The following PKNOX2 variants were observed in gnomAD, a reference collection of about 807,000 sequenced individuals.
PKNOX2 encodes PBX/knotted 1 homeobox 2, also known as homeobox protein PKNOX2.
Under a neutral mutation model 53.1 loss-of-function variants are expected in PKNOX2, and 14 were observed. The observed-to-expected ratio is 0.26, with a 90% CI of 0.17 to 0.41. The LOEUF (loss-of-function observed/expected upper bound fraction) is 0.41, where lower values mean the gene tolerates loss of function less well. PKNOX2 is among the 10% of genes least tolerant of loss of function. The pLI, the probability that PKNOX2 is intolerant of heterozygous loss-of-function variation, is 1.00. For synonymous variants in PKNOX2, 257 were observed against 242.8 expected (o/e 1.06, Z -0.54); for missense variants, 496 against 602.8 (o/e 0.82, Z 1.85).
chr11:125,392,033 A>G (rs1954079563), intron 6 of PKNOX2, among the ~76,000 whole-genome samples: 1 of 152,250 alleles, frequency 6.6e-6, no homozygotes, highest in African/African-American at 2.4e-5. Context: ...AAACACAAAT[A>G]TGGGAGCAAA....
At chr11:125,219,438 CA>C (rs57107061) in intron 1 of PKNOX2, among the ~76,000 whole-genome samples, 9,886 of 130,266 alleles carry the variant, frequency 0.076, 511 homozygotes, top group African/African-American at 0.16. Flanking sequence ...AACTCTATCT[CA>C]AAAAAAAAAA....
intron 3 of PKNOX2, among the ~76,000 whole-genome samples, chr11:125,332,286 C>T (rs567410109): frequency 1.3e-4 from 18 of 142,990 alleles, no homozygotes; most frequent in East Asian, 4.7e-4. Context: ...CTGGTGGTGG[C>T]GGGGTGGGGT....
rs149098576 is a variant in PKNOX2 at position 125,413,967 on chromosome 11, C to T, written c.936+2102C>T. ...CCTTCCCCTTCACTACTTTCCACTC[C>T]CCACTTGCAACTTACCCCTGGGAAT... On this transcript the variant is annotated intron_variant, in intron 10 of 12. Transcript: ENST00000298282. Among the ~76,000 whole-genome samples the T allele has an allele frequency of 4.6e-3, 695 of 152,280 alleles. 2 individuals carry two copies. The highest frequency in any genetic ancestry group is 0.012 in the South Asian group (56 of 4,826).
intron 6 of PKNOX2, among the ~76,000 whole-genome samples, chr11:125,387,857 A>G (rs766675858): frequency 1.2e-4 from 19 of 152,136 alleles, no homozygotes; most frequent in Non-Finnish European, 2.4e-4. Flanking sequence ...AAAGAGTGCT[A>G]TCTGAGCCTC....
chr11:125,220,445 G>C (rs1163978787), intron 1 of PKNOX2, among the ~76,000 whole-genome samples: 1 of 152,172 alleles, frequency 6.6e-6, no homozygotes, highest in East Asian at 1.9e-4. Context: ...GTCTTTTTTA[G>C]GCATGGAATC....
At chr11:125,351,506 G>T in intron 4 of PKNOX2, 114 bp downstream of exon 4, 1 of 685,234 alleles carries the variant, frequency 1.5e-6, no homozygotes, top group Non-Finnish European at 2.5e-6. Context: ...CAGGCCTCCC[G>T]CAATCACGTC....
rs934965353 is a variant in PKNOX2 at position 125,367,934 on chromosome 11, C to T, written c.176C>T (p.Ala59Val). ...GCTGCCAGCACACCTGTGCCCAGTG[C>T]CCCCATCGACCCCCAGGCCCAGCTG... The part of the protein sequence containing the change: ...SAAASTPVPS[A>V]PIDPQAQLEA... Residue 59 changes from alanine to valine, a missense_variant, in exon 5 of 13, where the codon GCC becomes GTC. By Grantham distance (64) the Ala-to-Val change is moderately conservative. Coordinates refer to ENST00000298282, the MANE Select transcript of PKNOX2 (RefSeq NM_001382323.2). 9 of 1,613,392 alleles carry T rather than the reference C, an allele frequency of 5.6e-6. No individual in the cohort carries two copies. The highest frequency in any genetic ancestry group is 6.8e-6 in the Non-Finnish European group (8 of 1,179,716).
At chr11:125,359,243 A>G (rs1289464740) in intron 4 of PKNOX2, among the ~76,000 whole-genome samples, 1 of 151,194 alleles carries the variant, frequency 6.6e-6, no homozygotes, top group Non-Finnish European at 1.5e-5. Context: ...CGGATCCGTG[A>G]GCAGCTTTCA....
At chr11:125,313,590 T>C (rs187236893) in intron 2 of PKNOX2, among the ~76,000 whole-genome samples, 413 of 152,272 alleles carry the variant, frequency 2.7e-3, no homozygotes, top group Non-Finnish European at 4.4e-3. Flanking sequence ...GACAGCATCC[T>C]GGAAAAGCAC....
chr11:125,391,597 G>A (rs1312350726), intron 6 of PKNOX2, among the ~76,000 whole-genome samples: 1 of 152,160 alleles, frequency 6.6e-6, no homozygotes, highest in East Asian at 1.9e-4. Context: ...AAATATCAAG[G>A]CAGAAAATAA....
chr11:125,246,587 T>C (rs1033196993), intron 2 of PKNOX2, among the ~76,000 whole-genome samples: 5 of 152,192 alleles, frequency 3.3e-5, no homozygotes, highest in African/African-American at 1.2e-4. Flanking sequence ...GGACATTAAA[T>C]TTGAGCTCAA....
intron 4 of PKNOX2, among the ~76,000 whole-genome samples, chr11:125,365,396 G>A (rs1016464323): frequency 5.3e-5 from 8 of 151,526 alleles, no homozygotes; most frequent in African/African-American, 1.9e-4. Flanking sequence ...TTGATATATT[G>A]AGCCAGCTGT....
intron 3 of PKNOX2, among the ~76,000 whole-genome samples, chr11:125,345,243 C>T (rs1370541161): frequency 6.6e-6 from 1 of 152,190 alleles, no homozygotes; most frequent in African/African-American, 2.4e-5. Flanking sequence ...CCTTAGTCCT[C>T]CCCTCCAGGA....
chr11:125,416,252 G>T (rs1442144467), intron 10 of PKNOX2, among the ~76,000 whole-genome samples: 1 of 133,086 alleles, frequency 7.5e-6, no homozygotes, highest in African/African-American at 2.9e-5. Context: ...GCAGTGAGCC[G>T]AGATCCCGCC....
chr11:125,318,687 C>T (rs1949349276), intron 2 of PKNOX2, among the ~76,000 whole-genome samples: 1 of 152,136 alleles, frequency 6.6e-6, no homozygotes, highest in Admixed American at 6.5e-5. Context: ...AAAGGCCTAA[C>T]TTTTGCCCTA....
chr11:125,294,801 T>C (rs1361242484), intron 2 of PKNOX2, among the ~76,000 whole-genome samples: 1 of 152,138 alleles, frequency 6.6e-6, no homozygotes, highest in Non-Finnish European at 1.5e-5. Context: ...GCAGATTACA[T>C]GAGATGAAAA....
intron 4 of PKNOX2, among the ~76,000 whole-genome samples, chr11:125,356,532 G>A (rs749089739): frequency 6.6e-5 from 10 of 152,174 alleles, no homozygotes; most frequent in African/African-American, 1.7e-4. Flanking sequence ...CCCTCACCCC[G>A]ATCCTCCAGC....
chr11:125,278,562 T>C (rs1188879039), intron 2 of PKNOX2, among the ~76,000 whole-genome samples: 1 of 152,308 alleles, frequency 6.6e-6, no homozygotes, highest in East Asian at 1.9e-4. Context: ...AGCCTGGGAC[T>C]GAGGGCCTCG....
rs1317228678 is a variant in PKNOX2 at position 125,257,135 on chromosome 11, GGAATTCCT to G, written c.-130+22023_-130+22030del. Among the ~76,000 whole-genome samples the G allele has an allele frequency of 2.6e-5, 4 of 152,112 alleles. No homozygotes were observed. The South Asian group carries it at 8.3e-4, about 32-fold the overall frequency. Reference sequence around the variant, plus strand: ...CTGTATTATTCTGTGCCTCTGAGCTGGAATTCCTGATTTGGGGACTGTTTGCATCTGGG... The same window carrying G: ...CTGTATTATTCTGTGCCTCTGAGCTGGATTTGGGGACTGTTTGCATCTGGG... On this transcript the variant is annotated intron_variant, in intron 2 of 12. Transcript: ENST00000298282.
Sources: gnomAD v4.1 joint callset for allele counts (sites outside exome capture counted in the v4.1 genomes callset) on GRCh38, gnomAD v4.1.1 for gene constraint, MANE v1.5 for transcripts, NCBI Gene and HGNC (gene_info 2026-07-23, HGNC 2026-07-21) for gene names.